The following HEATR5A variants were observed in gnomAD, a reference collection of about 807,000 sequenced individuals.
The protein encoded by HEATR5A is HEAT repeat containing 5A.
A neutral mutation model predicts 218.8 loss-of-function variants in HEATR5A; 178 were observed. The observed-to-expected ratio is 0.81, with a 90% CI of 0.72 to 0.92. The LOEUF is 0.92. Ranked by LOEUF, HEATR5A falls within the 40% of genes least tolerant of loss-of-function variation. HEATR5A has a pLI of 0.00. For missense variants in HEATR5A, 2,420 were observed against 2,418.9 expected (o/e 1.00, Z -0.01); for synonymous variants, 864 against 871.6 (o/e 0.99, Z 0.15).
chr14:31,319,078 G>T lies in HEATR5A; in HGVS notation c.3970-786C>A, dbSNP rs80167146. On this transcript the variant is annotated intron_variant, in intron 25 of 35. Coordinates refer to ENST00000543095, the MANE Select transcript of HEATR5A (RefSeq NM_015473.4). ...AATTGTATTTCTAGCACTTGCGATT[G>T]TAAGAGGGCTAAAAATATAACAGAA... Among the ~76,000 whole-genome samples, 84 of 152,270 alleles carry T rather than the reference G, an allele frequency of 5.5e-4. 2 individuals carry two copies. The East Asian group carries it at 0.016, about 28-fold the overall frequency.
At chr14:31,336,286 G>A (rs1198255988) in intron 22 of HEATR5A, among the ~76,000 whole-genome samples, 1 of 137,008 alleles carries the variant, frequency 7.3e-6, no homozygotes, top group South Asian at 2.4e-4. Context: ...TAGAGATGAG[G>A]TCTCACTATG....
chr14:31,330,639 A>G lies in HEATR5A; in HGVS notation c.3368-4297T>C, dbSNP rs200813037. Among the ~76,000 whole-genome samples, 67 of 151,854 alleles carry G rather than the reference A, an allele frequency of 4.4e-4. 1 individual carries two copies. The East Asian group carries it at 9.3e-3, about 21-fold the overall frequency. ...CCCTGTCTCTACTAAAAAATACAAC[A>G]AATTAACTGGGTGTGGTGGCAGGTG... On this transcript the variant is annotated intron_variant, in intron 22 of 35. Transcript: ENST00000543095.
At chr14:31,318,878 AC>A (rs1408017179) in intron 25 of HEATR5A, among the ~76,000 whole-genome samples, 2 of 152,114 alleles carry the variant, frequency 1.3e-5, no homozygotes, top group Non-Finnish European at 2.9e-5. Context: ...GGCTCTCAAG[AC>A]TTTCACTGGG....
intron 22 of HEATR5A, among the ~76,000 whole-genome samples, chr14:31,330,572 A>C (rs1032096684): frequency 1.8e-4 from 28 of 152,002 alleles, no homozygotes; most frequent in African/African-American, 4.8e-4. Flanking sequence ...GTGGATCACG[A>C]GGTCAAAAGA....
chr14:31,360,968 T>C (rs1234587990), intron 14 of HEATR5A, among the ~76,000 whole-genome samples: 1 of 152,188 alleles, frequency 6.6e-6, no homozygotes, highest in African/African-American at 2.4e-5. Flanking sequence ...GCTTACTGAA[T>C]ACTTAATACG....
intron 17 of HEATR5A, 138 bp downstream of exon 17, chr14:31,350,474 T>C (rs1901181645): frequency 1.6e-6 from 1 of 607,280 alleles, no homozygotes; most frequent in African/African-American, 1.9e-5. Flanking sequence ...TTCCAAATCC[T>C]GAAAACTTTT....
rs1210082377 is a variant in HEATR5A, at chr14:31,321,616, G to A, written c.3852C>T (p.His1284=). The change falls in exon 25 of 36, where the codon CAC becomes CAT. Residue 1284 remains histidine (H), a synonymous_variant. Transcript: ENST00000543095. Reference sequence around the variant, plus strand: ...GGCCAGAAAGACGGAGCTGGTCACTGTGATCTGTGGCAGCCATAAAAGCCA... The same window carrying A: ...GGCCAGAAAGACGGAGCTGGTCACTATGATCTGTGGCAGCCATAAAAGCCA... ...IRMAFMAATD[H]SDQLRLSGLE... The A allele has an allele frequency of 6.2e-7, 1 of 1,610,270 alleles. No individual in the cohort carries two copies. The highest frequency in any genetic ancestry group is 1.7e-5 in the Admixed American group (1 of 59,530).
chr14:31,318,133 C>A, intron 26 of HEATR5A, 91 bp downstream of exon 26: 1 of 1,070,166 alleles, frequency 9.3e-7, no homozygotes, highest in South Asian at 1.3e-5. Context: ...GACGGTAAGA[C>A]AACCATAAAG....
intron 10 of HEATR5A, among the ~76,000 whole-genome samples, chr14:31,382,778 T>A (rs1027154090): frequency 6.7e-5 from 10 of 149,964 alleles, no homozygotes; most frequent in Non-Finnish European, 1.5e-4. Context: ...TTATATATTA[T>A]CTAGTATGTT....
At chr14:31,356,328 C>T (rs1156342811) in intron 16 of HEATR5A, among the ~76,000 whole-genome samples, 1 of 152,148 alleles carries the variant, frequency 6.6e-6, no homozygotes, top group African/African-American at 2.4e-5. Flanking sequence ...CCTCTAACTC[C>T]CAGTATCAAG....
At chr14:31,326,641 A>C (rs1900275848) in intron 22 of HEATR5A, among the ~76,000 whole-genome samples, 1 of 152,068 alleles carries the variant, frequency 6.6e-6, no homozygotes, top group Admixed American at 6.6e-5. Context: ...ATACTTACAA[A>C]ATTTTTTTTT....
rs4981091 is a variant in HEATR5A, at chr14:31,292,340, G to C, written c.*965C>G. On this transcript the variant is annotated 3_prime_UTR_variant, in exon 36 of 36. Transcript: ENST00000543095. ...AGAAAAATCCATTTGAAAAATAGTGGAAATGGCTTATTCTATTTAAAATGA... is the reference window on the plus strand; with the variant it reads ...AGAAAAATCCATTTGAAAAATAGTGCAAATGGCTTATTCTATTTAAAATGA... 8 of 152,106 alleles carry C rather than the reference G, an allele frequency of 5.3e-5. No individual in the cohort carries two copies. The highest frequency in any genetic ancestry group is 1.7e-4 in the African/African-American group (7 of 41,432). 9.4% of individuals were successfully genotyped at this position (152,106 alleles called of 1,614,324 possible).
rs745509415 is a variant in HEATR5A, at chr14:31,293,264, G to A, written c.*41C>T. The A allele has an allele frequency of 4.8e-6, 7 of 1,445,144 alleles. No individual in the cohort carries two copies. The South Asian group carries it at 6.7e-5, about 14-fold the overall frequency. The allele number at this position is 1,445,144 out of a possible 1,614,324, so 89.5% of individuals were successfully genotyped here. On this transcript the variant is annotated 3_prime_UTR_variant, in exon 36 of 36. Transcript: ENST00000543095. ...TTTTGTCACCAAAGGCAATGATCAA[G>A]TATTTATTATATTAAGGTGCTTACT...
intron 1 of HEATR5A, among the ~76,000 whole-genome samples, chr14:31,416,785 G>A (rs562022509): frequency 2.6e-5 from 4 of 152,140 alleles, no homozygotes; most frequent in Non-Finnish European, 5.9e-5. Flanking sequence ...GACCAACTAG[G>A]AATCACTAGA....
rs1322756034 is a variant in HEATR5A at position 31,323,747 on chromosome 14, TC to T, written c.3604del (p.Asp1202MetfsTer6). ...TMQEEEGDKG[D>X]DASVLTTRRD... is the part of the protein sequence containing the mutation. ...TCTGGTGGTCAGGACTGAGGCATCA[TC>T]CCCTTTATCTCCTTCTTCTTCTTGC... On this transcript the variant is annotated frameshift_variant, in exon 24 of 36. Coordinates refer to ENST00000543095, the MANE Select transcript of HEATR5A (RefSeq NM_015473.4). LOFTEE classifies it high-confidence loss of function. The T allele has an allele frequency of 6.2e-7, 1 of 1,609,810 alleles. No homozygotes were observed. Among genetic ancestry groups the T allele is most frequent in the Non-Finnish European group, 8.5e-7 (1 of 1,176,218 alleles).
chr14:31,365,491 G>A (rs972193943), intron 13 of HEATR5A, among the ~76,000 whole-genome samples: 3 of 152,046 alleles, frequency 2.0e-5, no homozygotes, highest in Non-Finnish European at 4.4e-5. Context: ...CTACTGACTA[G>A]CTGGGACTAC....
At chr14:31,320,972 A>G (rs1376364569) in intron 25 of HEATR5A, among the ~76,000 whole-genome samples, 1 of 152,196 alleles carries the variant, frequency 6.6e-6, no homozygotes, top group Non-Finnish European at 1.5e-5. Context: ...TGTACTTTCT[A>G]TATATGGAAT....
rs1325485935 is a variant in HEATR5A at position 31,321,682 on chromosome 14, T to C, written c.3788-2A>G. 4 of 1,565,890 alleles carry C rather than the reference T, an allele frequency of 2.6e-6. No individual in the cohort carries two copies. The African/African-American group carries it at 5.5e-5, about 21-fold the overall frequency. The stretch of plus-strand genomic sequence containing the variant: ...CAAGATGCAGTACCAAAAAGTCATC[T>C]ATAAGATTAAAAAACATATTGGGAG... On this transcript the variant is annotated splice_acceptor_variant, in intron 24 of 35. Transcript: ENST00000543095. LOFTEE classifies it high-confidence loss of function.
chr14:31,314,782 CT>C (rs1899864029), intron 27 of HEATR5A, among the ~76,000 whole-genome samples: 1 of 152,164 alleles, frequency 6.6e-6, no homozygotes, highest in African/African-American at 2.4e-5. Flanking sequence ...GATTCTACAA[CT>C]TTCAGGTTTA....
Sources: gnomAD v4.1 joint callset for allele counts (sites outside exome capture counted in the v4.1 genomes callset) on GRCh38, gnomAD v4.1.1 for gene constraint, MANE v1.5 for transcripts, NCBI Gene and HGNC (gene_info 2026-07-23, HGNC 2026-07-21) for gene names.